The following DENND4C variants were observed in gnomAD, a reference collection of about 807,000 sequenced individuals.
DENND4C encodes DENN domain-containing protein 4C.
DENND4C carries 108 observed loss-of-function variants against 203.0 expected under a neutral mutation model. The ratio of observed to expected loss-of-function variants is 0.53; its 90% CI spans 0.46 to 0.62. DENND4C has a LOEUF of 0.62. Ranked by LOEUF, DENND4C falls within the 20% of genes least tolerant of loss-of-function variation. DENND4C has a pLI of 0.00. For missense variants in DENND4C, 2,481 were observed against 2,301.2 expected, an observed-to-expected ratio of 1.08 and a Z score of -1.60; for synonymous variants, 871 against 792.4, an observed-to-expected ratio of 1.10 and a Z score of -1.67.
intron 30 of DENND4C, among the ~76,000 whole-genome samples, chr9:19,367,341 A>G (rs1037274987): frequency 1.3e-5 from 2 of 152,282 alleles, no homozygotes; most frequent in South Asian, 2.1e-4. Context: ...GCACTCACGT[A>G]TATACCTAAG....
chr9:19,248,370 G>T (rs1825763633), intron 1 of DENND4C, among the ~76,000 whole-genome samples: 1 of 151,808 alleles, frequency 6.6e-6, no homozygotes, highest in Admixed American at 6.6e-5. Flanking sequence ...TGCCACTTAG[G>T]CCCCTGCTTA....
chr9:19,256,341 C>A, intron 1 of DENND4C, among the ~76,000 whole-genome samples: 1 of 96,760 alleles, frequency 1.0e-5, no homozygotes, highest in African/African-American at 3.9e-5. Context: ...TGGAGTTTCG[C>A]TCTTGTTGCC....
At chr9:19,286,270 T>A (rs967698336) in intron 2 of DENND4C, among the ~76,000 whole-genome samples, 5 of 152,206 alleles carry the variant, frequency 3.3e-5, no homozygotes, top group African/African-American at 1.2e-4. Flanking sequence ...GGTATTGCCA[T>A]CATTGTCTTT....
chr9:19,315,551 G>A (rs1436851810), intron 10 of DENND4C, among the ~76,000 whole-genome samples: 2 of 150,614 alleles, frequency 1.3e-5, no homozygotes, highest in Non-Finnish European at 3.0e-5. Flanking sequence ...ATATATACGT[G>A]TATATATGTA....
chr9:19,277,635 T>C (rs1049236354), intron 2 of DENND4C, among the ~76,000 whole-genome samples: 9 of 151,236 alleles, frequency 6.0e-5, no homozygotes, highest in African/African-American at 2.2e-4. Context: ...CCTTTGCAGT[T>C]TGGATGCTTT....
intron 2 of DENND4C, among the ~76,000 whole-genome samples, chr9:19,281,045 G>A (rs1041980588): frequency 1.3e-5 from 2 of 152,098 alleles, no homozygotes; most frequent in Admixed American, 6.6e-5. Context: ...CGGGCCAGTC[G>A]TCTTTTAGAG....
chr9:19,275,824 C>T (rs962819489), intron 1 of DENND4C, among the ~76,000 whole-genome samples: 3 of 152,052 alleles, frequency 2.0e-5, no homozygotes, highest in Non-Finnish European at 4.4e-5. Flanking sequence ...GCACACTGGT[C>T]GCGAACTTAA....
intron 16 of DENND4C, among the ~76,000 whole-genome samples, chr9:19,328,642 T>TCTGC (rs1765168144): frequency 7.9e-6 from 1 of 126,296 alleles, no homozygotes; most frequent in Non-Finnish European, 1.6e-5. Context: ...TGTCTGTCTG[T>TCTGC]CTGTCTGTCT....
intron 1 of DENND4C, among the ~76,000 whole-genome samples, chr9:19,259,240 C>T (rs187063692): frequency 4.9e-4 from 74 of 152,106 alleles, no homozygotes; most frequent in South Asian, 3.1e-3. Flanking sequence ...ATTCCGCCCC[C>T]GCCACCTCCC....
intron 2 of DENND4C, among the ~76,000 whole-genome samples, chr9:19,277,318 T>C (rs1833076825): frequency 6.6e-6 from 1 of 152,212 alleles, no homozygotes; most frequent in Non-Finnish European, 1.5e-5. Context: ...ATTCAGCTTG[T>C]GAACGTGGAA....
rs571254516 is a variant in DENND4C at position 19,295,214 on chromosome 9, A to T, written c.802-794A>T. 5.9e-5 allele frequency among the ~76,000 whole-genome samples: 9 copies of T among 152,304 alleles called. No individual in the cohort carries two copies. In the South Asian group the frequency reaches 1.5e-3, roughly 25 times the overall value. On this transcript the variant is annotated intron_variant, in intron 5 of 32. Transcript: ENST00000434457. ...GTGAAACCCCGTCTCTACTAAAAAT[A>T]GAAAAAATTAGGCCGGGCGCAGTGG... is the stretch of plus-strand genomic sequence containing the variant.
At chr9:19,237,876 A>G (rs575601571) in intron 1 of DENND4C, among the ~76,000 whole-genome samples, 1 of 152,334 alleles carries the variant, frequency 6.6e-6, no homozygotes, top group East Asian at 1.9e-4. Context: ...TAATTTCACT[A>G]CATCCAAAAT....
intron 1 of DENND4C, among the ~76,000 whole-genome samples, chr9:19,239,307 A>C (rs1480685390): frequency 6.6e-6 from 1 of 152,034 alleles, no homozygotes; most frequent in Non-Finnish European, 1.5e-5. Context: ...ATTCAGTTCA[A>C]AATATTGTTT....
rs1398191112 is a variant in DENND4C at position 19,267,804 on chromosome 9, G to A, written c.-17-8354G>A. Reference sequence around the variant, plus strand: ...TCCTCCTGCATCAGCCTCCTAAAGTGCTGAGATTGTAGGCATGAACCACTG... The same window carrying A: ...TCCTCCTGCATCAGCCTCCTAAAGTACTGAGATTGTAGGCATGAACCACTG... On this transcript the variant is annotated intron_variant, in intron 1 of 32. Coordinates refer to ENST00000434457, the MANE Select transcript of DENND4C (RefSeq NM_001330640.2). Among the ~76,000 whole-genome samples, 3 of 152,108 alleles carry A rather than the reference G, an allele frequency of 2.0e-5. No homozygotes were observed. The East Asian group carries it at 5.8e-4, about 29-fold the overall frequency.
Position 19,346,958 on chromosome 9 carries a change from C to T in DENND4C, c.4189C>T (p.Leu1397=). ...LGSVVNSLSG[L]KLDNILSGPK... ...TTCTGTAGTAAATTCTTTGTCAGGGCTAAAGCTGGATAATATACTCTCAGG... is the reference window on the plus strand; with the variant it reads ...TTCTGTAGTAAATTCTTTGTCAGGGTTAAAGCTGGATAATATACTCTCAGG... Residue 1397 remains leucine, a synonymous_variant, in exon 23 of 33, where the codon CTA becomes TTA. Coordinates refer to ENST00000434457, the MANE Select transcript of DENND4C (RefSeq NM_001330640.2). The T allele has an allele frequency of 6.2e-7, 1 of 1,614,144 alleles. No homozygotes were observed. The highest frequency in any genetic ancestry group is 8.5e-7 in the Non-Finnish European group (1 of 1,180,022).
At chr9:19,348,174 G>A (rs1460827383) in intron 23 of DENND4C, among the ~76,000 whole-genome samples, 1 of 152,196 alleles carries the variant, frequency 6.6e-6, no homozygotes, top group Non-Finnish European at 1.5e-5. Flanking sequence ...GCAACCCCAT[G>A]AGGGTGGTAC....
chr9:19,357,198 G>A, intron 27 of DENND4C, 44 bp downstream of exon 27: 1 of 1,597,620 alleles, frequency 6.3e-7, no homozygotes, highest in Non-Finnish European at 8.6e-7. Flanking sequence ...AATAAATGGG[G>A]TACCCTTGTA....
At position 19,358,861 on chromosome 9, in the gene DENND4C, A is replaced by T. The variant is rs571397055; in HGVS notation, c.5160+701A>T. On this transcript the variant is annotated intron_variant, in intron 28 of 32. Transcript: ENST00000434457. The surrounding 1 kb of genome is among the most constrained non-coding windows in gnomAD (Gnocchi z 4.8). Reference sequence around the variant, plus strand: ...TGATCAGATTTGGGGTTTTTGTGTTAGTGTTCATTTGCTTGTTTATTTTTG... The same window carrying T: ...TGATCAGATTTGGGGTTTTTGTGTTTGTGTTCATTTGCTTGTTTATTTTTG... Among the ~76,000 whole-genome samples the T allele has an allele frequency of 6.6e-6, 1 of 151,822 alleles. No individual in the cohort carries two copies. Among genetic ancestry groups the T allele is most frequent in the South Asian group, 2.1e-4 (1 of 4,824 alleles).
intron 28 of DENND4C, among the ~76,000 whole-genome samples, chr9:19,359,629 A>G (rs1031190104): frequency 6.6e-6 from 1 of 151,532 alleles, no homozygotes; most frequent in Non-Finnish European, 1.5e-5. Context: ...CTTTAGAGGG[A>G]AATGGTTTTG....
Sources: allele counts gnomAD v4.1 joint callset (sites outside exome capture counted in the v4.1 genomes callset), GRCh38; gene constraint gnomAD v4.1.1; non-coding constraint Gnocchi (gnomAD v3.1); transcripts MANE v1.5; gene names NCBI Gene and HGNC (gene_info 2026-07-23, HGNC 2026-07-21).